LSAMP: variants seen among roughly 807,000 people sequenced by gnomAD.
The protein encoded by LSAMP is limbic system associated membrane protein.
LSAMP carries 7 observed loss-of-function variants against 38.6 expected under a neutral mutation model. That is an observed-to-expected ratio of 0.18 (90% confidence interval 0.10 to 0.34). LSAMP has a LOEUF of 0.34. Ranked by LOEUF, LSAMP falls within the 10% of genes least tolerant of loss-of-function variation. The pLI is 1.00. For synonymous variants in LSAMP, 154 were observed against 166.8 expected (o/e 0.92, Z 0.59); for missense variants, 313 against 420.0 (o/e 0.75, Z 2.23).
chr3:115,970,620 C>G (rs374436290), intron 3 of LSAMP, among the ~76,000 whole-genome samples: 1 of 152,102 alleles, frequency 6.6e-6, no homozygotes, highest in East Asian at 1.9e-4. Context: ...CGAAGAAGTT[C>G]TTGCTTAGAC....
chr3:116,071,148 C>T (rs9878286), intron 2 of LSAMP, among the ~76,000 whole-genome samples: 62,501 of 149,850 alleles, frequency 0.42, 13,123 homozygotes, highest in African/African-American at 0.47. Flanking sequence ...CCTAATCACT[C>T]TAGCATAGAT....
At position 116,369,362 on chromosome 3, in the gene LSAMP, C is replaced by T. The variant is rs1315565515; in HGVS notation, c.155+75515G>A. Among the ~76,000 whole-genome samples the T allele has an allele frequency of 4.6e-5, 7 of 152,272 alleles. No individual in the cohort carries two copies. In the South Asian group the frequency reaches 1.2e-3, roughly 27 times the overall value. On this transcript the variant is annotated intron_variant, in intron 1 of 6. Transcript: ENST00000490035. ...ACACGGGCTGCAGTTTGAGCCACAA[C>T]GATAGAAGTATTCCTTCCAAGGAGA...
chr3:116,314,795 A>G (rs1035167687), intron 1 of LSAMP, among the ~76,000 whole-genome samples: 1 of 152,164 alleles, frequency 6.6e-6, no homozygotes, highest in Non-Finnish European at 1.5e-5. Context: ...ATCCAAAAAG[A>G]CCATATATAG....
At chr3:116,143,799 G>T (rs376642566) in intron 1 of LSAMP, among the ~76,000 whole-genome samples, 1 of 151,668 alleles carries the variant, frequency 6.6e-6, no homozygotes, top group Non-Finnish European at 1.5e-5. Context: ...TTGCCTTGTC[G>T]TTTATTTCCT....
chr3:116,297,762 T>C (rs536933627), intron 1 of LSAMP, among the ~76,000 whole-genome samples: 5 of 152,348 alleles, frequency 3.3e-5, no homozygotes, highest in African/African-American at 1.2e-4. Flanking sequence ...TATTTGTATG[T>C]AATAAAAATA....
At chr3:115,868,999 C>A (rs1033936916) in intron 3 of LSAMP, among the ~76,000 whole-genome samples, 1 of 152,070 alleles carries the variant, frequency 6.6e-6, no homozygotes, top group Admixed American at 6.6e-5. Context: ...ATCCTAGTGA[C>A]AAAGCTGTTA....
chr3:115,810,393 A>T lies in LSAMP; in HGVS notation c.941T>A (p.Ile314Lys), dbSNP rs1933783573. The change falls in exon 7 of 7, where the codon ATA (isoleucine) becomes AAA (lysine). Residue 314 changes from isoleucine to lysine, a missense_variant. Transcript: ENST00000490035. Reference protein sequence around the residue: ...VLFRPGSVRGINGSISLAVPL... With the variant: ...VLFRPGSVRGKNGSISLAVPL... ...TACGGCCAGACTGATGGATCCATTTATTCCTCTCACCGACCCAGGTCCTGC... is the reference window on the plus strand; with the variant it reads ...TACGGCCAGACTGATGGATCCATTTTTTCCTCTCACCGACCCAGGTCCTGC... The T allele has an allele frequency of 2.5e-6, 4 of 1,613,400 alleles. No individual in the cohort carries two copies. Among genetic ancestry groups the T allele is most frequent in the Non-Finnish European group, 3.4e-6 (4 of 1,179,658 alleles).
chr3:116,065,647 C>A (rs1417324187), intron 2 of LSAMP, among the ~76,000 whole-genome samples: 1 of 152,210 alleles, frequency 6.6e-6, no homozygotes, highest in Non-Finnish European at 1.5e-5. Flanking sequence ...ATGCATGGAG[C>A]AAACCCAGCA....
At chr3:116,155,528 C>G (rs1226237607) in intron 1 of LSAMP, among the ~76,000 whole-genome samples, 1 of 151,876 alleles carries the variant, frequency 6.6e-6, no homozygotes, top group East Asian at 1.9e-4. Context: ...GCACTCGGCC[C>G]TATTTTTGAT....
At chr3:116,403,553 A>C (rs933593937) in intron 1 of LSAMP, among the ~76,000 whole-genome samples, 6 of 152,192 alleles carry the variant, frequency 3.9e-5, no homozygotes, top group African/African-American at 1.4e-4. Context: ...GCATACATTA[A>C]CTAAATCCAA....
At chr3:115,980,781 C>T (rs1939336332) in intron 3 of LSAMP, among the ~76,000 whole-genome samples, 1 of 152,172 alleles carries the variant, frequency 6.6e-6, no homozygotes, top group Non-Finnish European at 1.5e-5. Flanking sequence ...CCTTTTATCT[C>T]CTAATCTAGT....
intron 3 of LSAMP, among the ~76,000 whole-genome samples, chr3:115,873,428 GTT>G (rs1202127074): frequency 1.3e-5 from 2 of 151,124 alleles, no homozygotes; most frequent in Non-Finnish European, 2.9e-5. Flanking sequence ...CAGAAATTCT[GTT>G]TCAGAGAAAG....
intron 1 of LSAMP, among the ~76,000 whole-genome samples, chr3:116,232,716 T>TTTTTTTTTC (rs1036028089): frequency 4.8e-5 from 7 of 146,746 alleles, no homozygotes; most frequent in East Asian, 2.0e-4. Flanking sequence ...TTTTTTTTTT[T>TTTTTTTTTC]CCAGCAGGTA....
At chr3:116,270,565 G>GGTTAT (rs2046957920) in intron 1 of LSAMP, among the ~76,000 whole-genome samples, 1 of 152,072 alleles carries the variant, frequency 6.6e-6, no homozygotes, top group African/African-American at 2.4e-5. Context: ...ATGAAACATT[G>GGTTAT]GTTATGTTGA....
intron 3 of LSAMP, among the ~76,000 whole-genome samples, chr3:115,945,255 A>G (rs1258637696): frequency 6.6e-6 from 1 of 152,162 alleles, no homozygotes; most frequent in Non-Finnish European, 1.5e-5. Context: ...GACAAATCAA[A>G]TATTTCCCAT....
intron 1 of LSAMP, among the ~76,000 whole-genome samples, chr3:116,260,515 G>A (rs190590762): frequency 2.0e-5 from 3 of 152,142 alleles, no homozygotes; most frequent in Non-Finnish European, 4.4e-5. Flanking sequence ...AATACACAGG[G>A]TTTCTAATAA....
chr3:116,136,810 A>G (rs1709259092), intron 1 of LSAMP, among the ~76,000 whole-genome samples: 2 of 152,092 alleles, frequency 1.3e-5, no homozygotes, highest in South Asian at 4.1e-4. Flanking sequence ...CTATGGTACC[A>G]AGTAAGAATA....
At chr3:115,840,358 C>A (rs376024703) in intron 6 of LSAMP, among the ~76,000 whole-genome samples, 2 of 152,210 alleles carry the variant, frequency 1.3e-5, no homozygotes, top group Non-Finnish European at 2.9e-5. Flanking sequence ...CGCACCCCCC[C>A]TCTCCCGCTG....
At chr3:115,858,498 C>CA (rs1165786047) in intron 3 of LSAMP, among the ~76,000 whole-genome samples, 33 of 152,036 alleles carry the variant, frequency 2.2e-4, no homozygotes, top group Non-Finnish European at 4.6e-4. Flanking sequence ...ATGAATGGAT[C>CA]ATTTTTTTCA....
Sources: allele counts gnomAD v4.1 joint callset (sites outside exome capture counted in the v4.1 genomes callset), GRCh38; gene constraint gnomAD v4.1.1; transcripts MANE v1.5; gene names NCBI Gene and HGNC (gene_info 2026-07-23, HGNC 2026-07-21).